CDK13: variants seen among roughly 807,000 people sequenced by gnomAD.
CDK13 encodes the protein cyclin dependent kinase 13.
A neutral mutation model predicts 137.6 loss-of-function variants in CDK13; 40 were observed. The ratio of observed to expected loss-of-function variants is 0.29; its 90% confidence interval spans 0.23 to 0.38. CDK13 has a LOEUF of 0.38. Among genes scored for constraint, CDK13 ranks in the 10% least tolerant of loss-of-function variants. CDK13 has a pLI of 1.00. For missense variants in CDK13, 1,704 were observed against 1,951.8 expected, an observed-to-expected ratio of 0.87 and a Z score of 2.39; for synonymous variants, 869 against 760.1, an observed-to-expected ratio of 1.14 and a Z score of -2.36.
intron 1 of CDK13, among the ~76,000 whole-genome samples, chr7:39,983,883 A>AT (rs5883712): frequency 0.087 from 13,178 of 151,700 alleles, 1,018 homozygotes; most frequent in East Asian, 0.36. Context: ...TTAGCCAAAC[A>AT]TTTCTTCTCA....
At chr7:40,008,436 G>T (rs1784836236) in intron 5 of CDK13, among the ~76,000 whole-genome samples, 1 of 152,156 alleles carries the variant, frequency 6.6e-6, no homozygotes, top group Non-Finnish European at 1.5e-5. Flanking sequence ...CCTAGTTTCT[G>T]GAACCAGAAG....
intron 4 of CDK13, among the ~76,000 whole-genome samples, chr7:40,000,904 A>G (rs1386688323): frequency 1.3e-5 from 2 of 152,084 alleles, no homozygotes; most frequent in Non-Finnish European, 2.9e-5. Flanking sequence ...ATGTGTGTAT[A>G]TTTCATTTTC....
At chr7:40,036,601 A>G (rs987520705) in intron 5 of CDK13, among the ~76,000 whole-genome samples, 10 of 152,276 alleles carry the variant, frequency 6.6e-5, no homozygotes, top group Non-Finnish European at 1.0e-4. Flanking sequence ...ACATTAAAAT[A>G]TAAAAATAAA....
intron 11 of CDK13, among the ~76,000 whole-genome samples, chr7:40,085,207 G>A (rs867871557): frequency 2.0e-5 from 3 of 151,822 alleles, no homozygotes; most frequent in Admixed American, 6.6e-5. Flanking sequence ...CTAAAAATAC[G>A]AAAATTAGCC....
At chr7:40,089,436 T>G (rs1786865558) in intron 12 of CDK13, among the ~76,000 whole-genome samples, 1 of 51,770 alleles carries the variant, frequency 1.9e-5, no homozygotes, top group African/African-American at 6.4e-5. Context: ...CGAGACTGTC[T>G]CAAAAAAAAA....
chr7:39,952,013 G>T, intron 1 of CDK13, 161 bp downstream of exon 1: 1 of 694,444 alleles, frequency 1.4e-6, no homozygotes, highest in African/African-American at 1.8e-5. Context: ...TTTCGCGCGC[G>T]TGACACTTTT....
intron 9 of CDK13, among the ~76,000 whole-genome samples, chr7:40,076,391 A>G (rs993259337): frequency 6.6e-6 from 1 of 152,202 alleles, no homozygotes; most frequent in Non-Finnish European, 1.5e-5. Flanking sequence ...AGAAGTGAAA[A>G]TAATTCAGCT....
chr7:39,963,557 A>T (rs1783799781), intron 1 of CDK13, among the ~76,000 whole-genome samples: 1 of 152,234 alleles, frequency 6.6e-6, no homozygotes, highest in Non-Finnish European at 1.5e-5. Flanking sequence ...ATATACAATC[A>T]TGTCATCTGC....
At chr7:40,089,390 A>G (rs902491977) in intron 12 of CDK13, among the ~76,000 whole-genome samples, 7 of 151,640 alleles carry the variant, frequency 4.6e-5, no homozygotes, top group Admixed American at 1.3e-4. Flanking sequence ...CAGTGAGCCA[A>G]GATTGAACCA....
intron 1 of CDK13, among the ~76,000 whole-genome samples, chr7:39,978,682 T>C (rs1784157437): frequency 6.6e-6 from 1 of 152,222 alleles, no homozygotes; most frequent in South Asian, 2.1e-4. Context: ...CAGACTTTAA[T>C]GGATATCTTG....
chr7:39,993,326 G>A lies in CDK13; in HGVS notation c.1872-4168G>A, dbSNP rs547071549. Among the ~76,000 whole-genome samples, 4 of 152,166 alleles carry A rather than the reference G, an allele frequency of 2.6e-5. No individual in the cohort carries two copies. The East Asian group carries it at 7.7e-4, about 29-fold the overall frequency. ...TTATTTATTTTCTGTGTTACAAATA[G>A]TAATAGCCACTACTCTTTTTTACCC... is the stretch of plus-strand genomic sequence containing the variant. On this transcript the variant is annotated intron_variant, in intron 2 of 13. Coordinates refer to ENST00000181839, the MANE Select transcript of CDK13 (RefSeq NM_003718.5).
chr7:40,010,058 A>T (rs926385666), intron 5 of CDK13, among the ~76,000 whole-genome samples: 20 of 152,032 alleles, frequency 1.3e-4, no homozygotes, highest in African/African-American at 4.3e-4. Flanking sequence ...GGAGGTGGGG[A>T]TGGTTTTGGG....
chr7:39,970,887 C>G (rs1031537916), intron 1 of CDK13, among the ~76,000 whole-genome samples: 1 of 152,238 alleles, frequency 6.6e-6, no homozygotes. Flanking sequence ...TTCCTTTTTA[C>G]AGATCCAACT....
chr7:40,071,648 G>C (rs1255217031), intron 9 of CDK13: 2 of 152,174 alleles, frequency 1.3e-5, no homozygotes, highest in African/African-American at 4.8e-5. Flanking sequence ...GAAAAATGCT[G>C]CTTCACTGAA....
intron 1 of CDK13, among the ~76,000 whole-genome samples, chr7:39,971,630 C>CTCACACCTGTAA (rs111915526): frequency 2.6e-5 from 4 of 151,888 alleles, no homozygotes; most frequent in Non-Finnish European, 5.9e-5. Flanking sequence ...GGTGTGGTGG[C>CTCACACCTGTAA]TCGCAGCACT....
At chr7:39,966,209 G>A (rs986924250) in intron 1 of CDK13, among the ~76,000 whole-genome samples, 7 of 152,210 alleles carry the variant, frequency 4.6e-5, no homozygotes, top group African/African-American at 1.4e-4. Flanking sequence ...ATCCTGCAGA[G>A]TGTTTTCCAA....
At chr7:39,958,894 C>T (rs1000245767) in intron 1 of CDK13, among the ~76,000 whole-genome samples, 5 of 152,130 alleles carry the variant, frequency 3.3e-5, no homozygotes, top group Admixed American at 6.5e-5. Context: ...TGTGGAATTA[C>T]CCATTTCCTG....
At position 40,094,560 on chromosome 7, in the gene CDK13, T is replaced by C; in HGVS notation, c.4119T>C (p.Asp1373=). The C allele has an allele frequency of 6.2e-7, 1 of 1,611,842 alleles. No individual in the cohort carries two copies. The highest frequency in any genetic ancestry group is 8.5e-7 in the Non-Finnish European group (1 of 1,178,828). ...GACGTAGTTTCATTGGAAATTCAGA[T>C]ATTCAGTCTTTGGATAACTACAGTA... ...LERRSFIGNS[D]IQSLDNYSTA... The change falls in exon 14 of 14, where the codon GAT becomes GAC. Residue 1373 remains aspartate, a synonymous_variant. Coordinates refer to ENST00000181839, the MANE Select transcript of CDK13 (RefSeq NM_003718.5).
Position 40,001,994 on chromosome 7 carries a change from T to C in CDK13, c.2316T>C (p.Thr772=), listed in dbSNP as rs1784693909. The stretch of plus-strand genomic sequence containing the variant: ...TTATCAATATGAAGGAAATAGTGAC[T>C]GATAAAGAAGATGCTTTGGATTTCA... The part of the protein sequence containing the change: ...QSIINMKEIV[T]DKEDALDFKK... The change falls in exon 5 of 14, where the codon ACT becomes ACC. Residue 772 remains threonine, a synonymous_variant. Transcript: ENST00000181839. 1.2e-6 allele frequency: 2 copies of C among 1,609,430 alleles called. No individual in the cohort carries two copies. The highest frequency in any genetic ancestry group is 1.7e-5 in the Admixed American group (1 of 58,942).
Sources: gnomAD v4.1 joint callset for allele counts (sites outside exome capture counted in the v4.1 genomes callset) on GRCh38, gnomAD v4.1.1 for gene constraint, MANE v1.5 for transcripts, NCBI Gene and HGNC (gene_info 2026-07-23, HGNC 2026-07-21) for gene names.